The following FAM184B variants were observed in gnomAD, a reference collection of about 807,000 sequenced individuals.
The protein encoded by FAM184B is protein FAM184B.
A neutral mutation model predicts 135.9 loss-of-function variants in FAM184B; 111 were observed. That is an observed-to-expected ratio of 0.82 (90% CI 0.70 to 0.96). The LOEUF (loss-of-function observed/expected upper bound fraction) is 0.96. Ranked by LOEUF, FAM184B falls within the 40% of genes least tolerant of loss-of-function variation. The probability of loss-of-function intolerance (pLI) is 0.00; values close to 1 mark genes in which losing one functional copy is unlikely to be tolerated. For missense variants in FAM184B, 1,375 were observed against 1,323.9 expected, an observed-to-expected ratio of 1.04 and a Z score of -0.60; for synonymous variants, 552 against 524.8, an observed-to-expected ratio of 1.05 and a Z score of -0.71.
intron 1 of FAM184B, among the ~76,000 whole-genome samples, chr4:17,716,372 G>C (rs1001048585): frequency 6.6e-5 from 10 of 151,912 alleles, no homozygotes; most frequent in African/African-American, 2.2e-4. Flanking sequence ...TGAGAGACAG[G>C]GTCTCTATGT....
At chr4:17,711,042 A>G (rs1473376630) in intron 1 of FAM184B, among the ~76,000 whole-genome samples, 2 of 152,058 alleles carry the variant, frequency 1.3e-5, no homozygotes, top group Non-Finnish European at 2.9e-5. Context: ...GGATGATGGG[A>G]ATGACCCCAT....
intron 1 of FAM184B, among the ~76,000 whole-genome samples, chr4:17,755,643 G>T (rs1560194007): frequency 1.3e-5 from 2 of 152,164 alleles, no homozygotes; most frequent in Admixed American, 1.3e-4. Context: ...CAATAGCAAA[G>T]ACATGGAATC....
intron 13 of FAM184B, among the ~76,000 whole-genome samples, chr4:17,640,043 G>A (rs1715263186): frequency 6.6e-6 from 1 of 151,456 alleles, no homozygotes; most frequent in Non-Finnish European, 1.5e-5. Flanking sequence ...TGTTGGCCAG[G>A]CTAGTCTCGA....
chr4:17,709,121 T>G lies in FAM184B; in HGVS notation c.665A>C (p.Gln222Pro). Residue 222 changes from glutamine (Q) to proline (P), a missense_variant, in exon 2 of 18, where the codon CAG (glutamine) becomes CCG (proline). Gln to Pro is a moderately conservative substitution (Grantham distance 76). Transcript: ENST00000265018. ...CTCGTTTTCCCTCTCGTAGGTGGCC[T>G]GCAGCTCCTCGGCCTTGCGGGCGTA... is the stretch of plus-strand genomic sequence containing the variant. The part of the protein sequence containing the change: ...KDYARKAEEL[Q>P]ATYERENEAI... The G allele has an allele frequency of 6.5e-7, 1 of 1,549,090 alleles. No individual in the cohort carries two copies. The highest frequency in any genetic ancestry group is 8.7e-7 in the Non-Finnish European group (1 of 1,146,970).
chr4:17,651,537 C>CAAAAAAAAAAAAAAA (rs751455835), intron 11 of FAM184B, among the ~76,000 whole-genome samples: 1 of 43,118 alleles, frequency 2.3e-5, no homozygotes, highest in South Asian at 1.8e-3. Flanking sequence ...GACTCTGTCT[C>CAAAAAAAAAAAAAAA]AAAAAAAAAA....
chr4:17,734,841 A>G (rs1258641011), intron 1 of FAM184B, among the ~76,000 whole-genome samples: 1 of 151,900 alleles, frequency 6.6e-6, no homozygotes, highest in Non-Finnish European at 1.5e-5. Flanking sequence ...GTATATACCC[A>G]AAGGACTATA....
chr4:17,733,692 A>G (rs995746414), intron 1 of FAM184B, among the ~76,000 whole-genome samples: 7 of 152,344 alleles, frequency 4.6e-5, no homozygotes, highest in Admixed American at 1.3e-4. Flanking sequence ...ATACAAACAA[A>G]TGGAAGAACA....
At chr4:17,692,767 C>T (rs1716765430) in intron 6 of FAM184B, among the ~76,000 whole-genome samples, 1 of 152,124 alleles carries the variant, frequency 6.6e-6, no homozygotes, top group Non-Finnish European at 1.5e-5. Flanking sequence ...TTGGTTTAAG[C>T]AGGCTCAGAA....
At chr4:17,717,422 G>A (rs183524626) in intron 1 of FAM184B, among the ~76,000 whole-genome samples, 5 of 152,186 alleles carry the variant, frequency 3.3e-5, no homozygotes, top group East Asian at 3.9e-4. Flanking sequence ...CTCACAGGTC[G>A]CTTGGCAACT....
At chr4:17,638,039 A>T (rs956367852) in intron 14 of FAM184B, among the ~76,000 whole-genome samples, 1 of 150,028 alleles carries the variant, frequency 6.7e-6, no homozygotes, top group Non-Finnish European at 1.5e-5. Context: ...GTACTTAAAC[A>T]TCACCTCCTC....
At chr4:17,642,737 CTT>C (rs1209495451) in intron 12 of FAM184B, among the ~76,000 whole-genome samples, 1 of 143,430 alleles carries the variant, frequency 7.0e-6, no homozygotes, top group Non-Finnish European at 1.5e-5. Context: ...CTATTCCTCT[CTT>C]CATCTTTCCA....
chr4:17,681,125 G>T (rs1247759970), intron 7 of FAM184B, among the ~76,000 whole-genome samples: 1 of 152,168 alleles, frequency 6.6e-6, no homozygotes. Context: ...TGAAGTGCAG[G>T]GATTATTGCC....
At chr4:17,638,134 C>CTTTTTTTTTTTTTTTTTTTTTT (rs56926847) in intron 14 of FAM184B, among the ~76,000 whole-genome samples, 4 of 73,418 alleles carry the variant, frequency 5.4e-5, no homozygotes, top group African/African-American at 1.8e-4. Context: ...TAACTGTTTG[C>CTTTTTTTTTTTTTTTTTTTTTT]TTTTTTTTTT....
chr4:17,641,461 C>CTTTTTTT lies in FAM184B; in HGVS notation c.2519+588_2519+594dup, dbSNP rs71167316. Reference sequence around the variant, plus strand: ...TGCAGGGAAACAAACAGGACTCCCTCTTTTTTTTTTTTTTTTTTTTTTTTT... The same window carrying CTTTTTTT: ...TGCAGGGAAACAAACAGGACTCCCTCTTTTTTTTTTTTTTTTTTTTTTTTTTTTTTTT... On this transcript the variant is annotated intron_variant, in intron 13 of 17. Coordinates refer to ENST00000265018, the MANE Select transcript of FAM184B (RefSeq NM_015688.2). Among the ~76,000 whole-genome samples, 132 of 45,704 alleles carry CTTTTTTT rather than the reference C, an allele frequency of 2.9e-3. 37 individuals carry two copies. Among genetic ancestry groups the CTTTTTTT allele is most frequent in the Non-Finnish European group, 4.2e-3 (110 of 26,062 alleles). 30.0% of individuals were successfully genotyped at this position (45,704 alleles called of 152,430 possible). A position where few individuals can be genotyped will look rare whatever the true frequency, so the allele number is the denominator to read the frequency against.
In FAM184B at chr4:17,709,149, C is replaced by T; in HGVS notation, c.637G>A (p.Asp213Asn). 1 of 1,548,292 alleles carries T rather than the reference C, an allele frequency of 6.5e-7. No individual in the cohort carries two copies. The highest frequency in any genetic ancestry group is 1.2e-5 in the South Asian group (1 of 84,066). ...AGCTCCTCGGCCTTGCGGGCGTAGT[C>T]CTTGCTCAGCTGCTGGTTCTCCACT... is the stretch of plus-strand genomic sequence containing the variant. ...LRVENQQLSKDYARKAEELQA... is the reference protein window; with the variant it reads ...LRVENQQLSKNYARKAEELQA... The change falls in exon 2 of 18, where the codon GAC (aspartate) becomes AAC (asparagine). Residue 213 changes from aspartate (D) to asparagine (N), a missense_variant. Coordinates refer to ENST00000265018, the MANE Select transcript of FAM184B (RefSeq NM_015688.2).
intron 1 of FAM184B, among the ~76,000 whole-genome samples, chr4:17,765,908 GGTGA>G (rs1287866112): frequency 6.6e-6 from 1 of 152,108 alleles, no homozygotes; most frequent in Non-Finnish European, 1.5e-5. Flanking sequence ...CCTTCGCGGT[GGTGA>G]GTGTTACAGC....
At chr4:17,710,421 T>G (rs112594973) in intron 1 of FAM184B, among the ~76,000 whole-genome samples, 144 of 152,066 alleles carry the variant, frequency 9.5e-4, no homozygotes, top group African/African-American at 3.2e-3. Flanking sequence ...ATACCCCACA[T>G]CAACAGAGTA....
At chr4:17,765,982 C>A (rs11942856) in intron 1 of FAM184B, among the ~76,000 whole-genome samples, 1 of 152,058 alleles carries the variant, frequency 6.6e-6, no homozygotes, top group Non-Finnish European at 1.5e-5. Flanking sequence ...TCATTCCCCC[C>A]GGCAGGTTCA....
At chr4:17,685,956 A>G (rs1716577208) in intron 7 of FAM184B, among the ~76,000 whole-genome samples, 2 of 152,114 alleles carry the variant, frequency 1.3e-5, no homozygotes, top group Non-Finnish European at 2.9e-5. Context: ...TTTCCCTAAA[A>G]CACAGCCTGC....
Sources: allele counts gnomAD v4.1 joint callset (sites outside exome capture counted in the v4.1 genomes callset), GRCh38; gene constraint gnomAD v4.1.1; transcripts MANE v1.5; gene names NCBI Gene and HGNC (gene_info 2026-07-23, HGNC 2026-07-21).